The following WDHD1 variants were observed in gnomAD, a reference collection of about 807,000 sequenced individuals.
WDHD1 encodes WD repeat and HMG-box DNA-binding protein 1.
In WDHD1, 111 loss-of-function variants were observed where a neutral mutation model predicts 135.4. That is an observed-to-expected ratio of 0.82 (90% confidence interval 0.70 to 0.96). WDHD1 has a LOEUF of 0.96. Among genes scored for constraint, WDHD1 ranks in the 40% least tolerant of loss-of-function variants. The pLI is 0.00. For missense variants in WDHD1, 1,351 were observed against 1,336.3 expected, an observed-to-expected ratio of 1.01 and a Z score of -0.17; for synonymous variants, 434 against 439.0, an observed-to-expected ratio of 0.99 and a Z score of 0.14.
At position 54,957,598 on chromosome 14, in the gene WDHD1, G is replaced by A. The variant is rs538516335; in HGVS notation, c.2739C>T (p.Pro913=). 1.2e-6 allele frequency: 2 copies of A among 1,602,724 alleles called. No individual in the cohort carries two copies. Among genetic ancestry groups the A allele is most frequent in the East Asian group, 2.2e-5 (1 of 44,806 alleles). Residue 913 remains proline, a synonymous_variant, in exon 22 of 26, where the codon CCC becomes CCT. Coordinates refer to ENST00000360586, the MANE Select transcript of WDHD1 (RefSeq NM_007086.4). ...ATCACTTGGAAGAGTTTACCTTAAA[G>A]GGATTTACTCGTCCTTGGCTGCTAA... is the stretch of plus-strand genomic sequence containing the variant. The part of the protein sequence containing the change: ...VTFSSQGRVN[P]FKVSASSKEP...
intron 21 of WDHD1, among the ~76,000 whole-genome samples, chr14:54,961,168 C>T (rs2041245699): frequency 6.6e-6 from 1 of 152,002 alleles, no homozygotes; most frequent in Non-Finnish European, 1.5e-5. Flanking sequence ...TTAAAACCTA[C>T]AACAGTCTCT....
chr14:54,954,620 G>A (rs2041121189), intron 24 of WDHD1, among the ~76,000 whole-genome samples: 1 of 152,190 alleles, frequency 6.6e-6, no homozygotes, highest in South Asian at 2.1e-4. Flanking sequence ...ACTATGACAT[G>A]TCTATTCAAT....
intron 16 of WDHD1, among the ~76,000 whole-genome samples, chr14:54,979,389 C>T (rs1263385456): frequency 6.6e-6 from 1 of 152,190 alleles, no homozygotes; most frequent in Non-Finnish European, 1.5e-5. Flanking sequence ...CTCCTGGCCT[C>T]CAGCATTCCT....
intron 10 of WDHD1, among the ~76,000 whole-genome samples, chr14:54,998,494 G>C (rs1211751903): frequency 6.6e-6 from 1 of 151,918 alleles, no homozygotes; most frequent in Non-Finnish European, 1.5e-5. Context: ...ATATTAGTTA[G>C]GCAGTTTTAC....
At chr14:54,948,191 T>C (rs2040966184) in intron 24 of WDHD1, among the ~76,000 whole-genome samples, 2 of 152,068 alleles carry the variant, frequency 1.3e-5, no homozygotes, top group Admixed American at 1.3e-4. Context: ...CTAGGGCTTG[T>C]CGGACAGTGG....
At chr14:54,942,073 A>AC (rs2040847740) in intron 25 of WDHD1, among the ~76,000 whole-genome samples, 1 of 151,708 alleles carries the variant, frequency 6.6e-6, no homozygotes, top group Non-Finnish European at 1.5e-5. Flanking sequence ...ACACAGTGAA[A>AC]CCCCGTCTCT....
Position 54,972,591 on chromosome 14 carries a change from T to G in WDHD1, c.2064-5197A>C, listed in dbSNP as rs4047200. 2.0e-4 allele frequency among the ~76,000 whole-genome samples: 6 copies of G among 29,500 alleles called. 1 individual carries two copies. The highest frequency in any genetic ancestry group is 1.1e-3 in the Admixed American group (3 of 2,696). 19.4% of individuals were successfully genotyped at this position (29,500 alleles called of 152,430 possible). A position where few individuals can be genotyped will look rare whatever the true frequency, so the allele number is the denominator to read the frequency against. ...AAAAAAAAAAAAAAAAAAAAAAAAA[T>G]GCCAATGAGGCATATTCACTTTCAT... is the stretch of plus-strand genomic sequence containing the variant. On this transcript the variant is annotated intron_variant, in intron 16 of 25. Coordinates refer to ENST00000360586, the MANE Select transcript of WDHD1 (RefSeq NM_007086.4).
intron 21 of WDHD1, among the ~76,000 whole-genome samples, chr14:54,958,495 T>C (rs563981150): frequency 6.6e-6 from 1 of 152,152 alleles, no homozygotes; most frequent in Non-Finnish European, 1.5e-5. Context: ...CATTCCTCCA[T>C]ACAATATAGC....
chr14:54,970,270 T>C (rs141423225), intron 16 of WDHD1, among the ~76,000 whole-genome samples: 284 of 152,232 alleles, frequency 1.9e-3, no homozygotes, highest in Middle Eastern at 6.8e-3. Context: ...ACTCTATACA[T>C]AGAATTGCTA....
chr14:55,017,522 T>C (rs1321508047), intron 2 of WDHD1, among the ~76,000 whole-genome samples: 1 of 152,098 alleles, frequency 6.6e-6, no homozygotes, highest in Non-Finnish European at 1.5e-5. Flanking sequence ...TTTCGTATTT[T>C]CATAGAGATG....
Position 54,965,909 on chromosome 14 carries a change from C to A in WDHD1, c.2310+566G>T, listed in dbSNP as rs181271634. On this transcript the variant is annotated intron_variant, in intron 18 of 25. Transcript: ENST00000360586. ...AAGTGGAGGTTGCAGTAAGCCAAGACTGCACAACTGCACTTCAGCCTGAGA... is the reference window on the plus strand; with the variant it reads ...AAGTGGAGGTTGCAGTAAGCCAAGAATGCACAACTGCACTTCAGCCTGAGA... 5.7e-3 allele frequency among the ~76,000 whole-genome samples: 854 copies of A among 151,024 alleles called. 4 individuals carry two copies. Among genetic ancestry groups the A allele is most frequent in the Non-Finnish European group, 8.0e-3 (546 of 67,868 alleles).
At chr14:55,001,685 A>G (rs2041983534) in intron 8 of WDHD1, among the ~76,000 whole-genome samples, 1 of 152,254 alleles carries the variant, frequency 6.6e-6, no homozygotes, top group African/African-American at 2.4e-5. Flanking sequence ...AGTGAACTTT[A>G]GTAAGCCATT....
At chr14:55,017,623 G>A (rs1270834530) in intron 2 of WDHD1, among the ~76,000 whole-genome samples, 4 of 152,106 alleles carry the variant, frequency 2.6e-5, no homozygotes, top group Non-Finnish European at 5.9e-5. Flanking sequence ...AATTACAGAC[G>A]TAAGCCACTG....
chr14:54,948,649 T>G lies in WDHD1; in HGVS notation c.3051-4179A>C, dbSNP rs1595055791. Among the ~76,000 whole-genome samples the G allele has an allele frequency of 2.0e-5, 3 of 151,888 alleles. No individual in the cohort carries two copies. In the South Asian group the frequency reaches 6.2e-4, roughly 32 times the overall value. Reference sequence around the variant, plus strand: ...CCCTGTCTGACAGCTTTGAAGAGAGTAGTGGTTCTCCCAGCACAGAGTTTG... The same window carrying G: ...CCCTGTCTGACAGCTTTGAAGAGAGGAGTGGTTCTCCCAGCACAGAGTTTG... On this transcript the variant is annotated intron_variant, in intron 24 of 25. Transcript: ENST00000360586.
chr14:54,980,825 A>AC, intron 16 of WDHD1, among the ~76,000 whole-genome samples: 1 of 148,606 alleles, frequency 6.7e-6, no homozygotes, highest in African/African-American at 2.5e-5. Flanking sequence ...AAAAAAAAAA[A>AC]CTCAGCTGGG....
In WDHD1 at chr14:54,941,565, AT is replaced by A. The variant is rs1479837620; in HGVS notation, c.3314del (p.Asn1105IlefsTer9). ...NQEEKAKENL[N>X]LSKKQKPLDF... ...CTAAAGGTTTCTGCTTTTTAGACAA[AT>A]TCAGGTTCTCTTTTGCTTTTTCTTC... is the stretch of plus-strand genomic sequence containing the variant. On this transcript the variant is annotated frameshift_variant, in exon 26 of 26. Transcript: ENST00000360586. LOFTEE classifies it high-confidence loss of function. 3.7e-6 allele frequency: 6 copies of A among 1,613,794 alleles called. No homozygotes were observed. The highest frequency in any genetic ancestry group is 5.1e-6 in the Non-Finnish European group (6 of 1,179,944).
chr14:54,982,513 G>C (rs762930866), intron 15 of WDHD1, among the ~76,000 whole-genome samples: 1 of 151,960 alleles, frequency 6.6e-6, no homozygotes, highest in Non-Finnish European at 1.5e-5. Flanking sequence ...TTCTTACCTC[G>C]TAAAACAGGG....
At chr14:54,951,845 T>A (rs956950428) in intron 24 of WDHD1, among the ~76,000 whole-genome samples, 19 of 152,066 alleles carry the variant, frequency 1.2e-4, no homozygotes, top group African/African-American at 3.6e-4. Context: ...CATTCGCAAA[T>A]AAATAAACGT....
chr14:54,996,508 G>T (rs529928338), intron 10 of WDHD1, among the ~76,000 whole-genome samples: 1 of 152,272 alleles, frequency 6.6e-6, no homozygotes, highest in African/African-American at 2.4e-5. Flanking sequence ...GCTGAGGTAG[G>T]AGGGTCACCT....
Sources: gnomAD v4.1 joint callset for allele counts (sites outside exome capture counted in the v4.1 genomes callset) on GRCh38, gnomAD v4.1.1 for gene constraint, MANE v1.5 for transcripts, NCBI Gene and HGNC (gene_info 2026-07-23, HGNC 2026-07-21) for gene names.